The following ZDHHC14 variants were observed in gnomAD, a reference collection of about 807,000 sequenced individuals.
ZDHHC14 encodes the protein zDHHC palmitoyltransferase 14.
Under a neutral mutation model 47.7 loss-of-function variants are expected in ZDHHC14, and 16 were observed. That is an observed-to-expected ratio of 0.34 (90% CI 0.23 to 0.51). The LOEUF is 0.51. Ranked by LOEUF, ZDHHC14 falls within the 20% of genes least tolerant of loss-of-function variation. The pLI is 0.97. For synonymous variants in ZDHHC14, 293 were observed against 278.9 expected (o/e 1.05, Z -0.50); for missense variants, 515 against 662.5 (o/e 0.78, Z 2.44).
chr6:157,571,675 G>T (rs1352397899), intron 2 of ZDHHC14, among the ~76,000 whole-genome samples: 1 of 151,724 alleles, frequency 6.6e-6, no homozygotes, highest in South Asian at 2.1e-4. Context: ...CTTGTATGGT[G>T]TACAAACCTG....
chr6:157,644,016 C>T (rs928283310), intron 5 of ZDHHC14, among the ~76,000 whole-genome samples: 1 of 152,108 alleles, frequency 6.6e-6, no homozygotes, highest in Non-Finnish European at 1.5e-5. Flanking sequence ...GTTTCCGTTC[C>T]ATGTGTCCCC....
chr6:157,654,742 T>C (rs1388409349), intron 8 of ZDHHC14, among the ~76,000 whole-genome samples: 9 of 138,676 alleles, frequency 6.5e-5, no homozygotes, highest in South Asian at 2.1e-4. Flanking sequence ...TTCTCTCTCT[T>C]TTTTTTTTTT....
chr6:157,596,410 A>G (rs1446753765), intron 3 of ZDHHC14, among the ~76,000 whole-genome samples: 1 of 152,234 alleles, frequency 6.6e-6, no homozygotes, highest in Non-Finnish European at 1.5e-5. Flanking sequence ...TCCCAAGCAC[A>G]GTAAATAAAT....
chr6:157,448,475 TAAAATGTATTATCTTTTACTTCC>T (rs1376910433), intron 1 of ZDHHC14, among the ~76,000 whole-genome samples: 1 of 152,246 alleles, frequency 6.6e-6, no homozygotes. Flanking sequence ...TTTTTCAGTC[TAAAATGTATTATCTTTTACTTCC>T]ATATACTAAC....
chr6:157,505,867 G>A (rs1319260986), intron 1 of ZDHHC14, among the ~76,000 whole-genome samples: 1 of 152,232 alleles, frequency 6.6e-6, no homozygotes, highest in African/African-American at 2.4e-5. Context: ...ATTTGGAAGG[G>A]CAAGAAAATC....
chr6:157,624,073 G>A (rs546439291), intron 3 of ZDHHC14, among the ~76,000 whole-genome samples: 1 of 152,328 alleles, frequency 6.6e-6, no homozygotes, highest in African/African-American at 2.4e-5. Flanking sequence ...AAATATGGCT[G>A]TGTGGAGCTT....
intron 5 of ZDHHC14, among the ~76,000 whole-genome samples, chr6:157,635,307 A>T (rs929076804): frequency 6.6e-6 from 1 of 152,120 alleles, no homozygotes; most frequent in Non-Finnish European, 1.5e-5. Context: ...CCTGGTCTTT[A>T]TCAGAGCTCC....
intron 1 of ZDHHC14, among the ~76,000 whole-genome samples, chr6:157,496,227 G>A (rs1780060026): frequency 6.6e-6 from 1 of 152,122 alleles, no homozygotes; most frequent in South Asian, 2.1e-4. Context: ...TCTGAGATGG[G>A]AGGTCGAGTG....
intron 1 of ZDHHC14, among the ~76,000 whole-genome samples, chr6:157,402,668 C>A (rs935270964): frequency 2.6e-5 from 4 of 152,166 alleles, no homozygotes; most frequent in East Asian, 1.9e-4. Flanking sequence ...AAGTGATGGG[C>A]AGGCCACTAC....
chr6:157,420,895 G>T (rs1778086873), intron 1 of ZDHHC14, among the ~76,000 whole-genome samples: 1 of 152,160 alleles, frequency 6.6e-6, no homozygotes, highest in Non-Finnish European at 1.5e-5. Flanking sequence ...TGTGCGGTAG[G>T]CCTCAGGAGC....
intron 4 of ZDHHC14, chr6:157,631,004 A>T (rs1413126838): frequency 6.7e-6 from 1 of 148,206 alleles, no homozygotes; most frequent in Non-Finnish European, 1.5e-5. Context: ...ACACACCCAC[A>T]CTCTCACACC....
chr6:157,603,397 G>A (rs1784414570), intron 3 of ZDHHC14, among the ~76,000 whole-genome samples: 1 of 152,238 alleles, frequency 6.6e-6, no homozygotes, highest in African/African-American at 2.4e-5. Context: ...GGAGAAATGA[G>A]AGAAAAGGCT....
chr6:157,619,908 G>A (rs997093655), intron 3 of ZDHHC14, among the ~76,000 whole-genome samples: 2 of 152,182 alleles, frequency 1.3e-5, no homozygotes, highest in Admixed American at 6.5e-5. Context: ...TAGTCCCCAT[G>A]TGGAAGTGCT....
intron 2 of ZDHHC14, among the ~76,000 whole-genome samples, chr6:157,543,422 T>G (rs1218764234): frequency 2.6e-5 from 4 of 152,218 alleles, no homozygotes; most frequent in African/African-American, 4.8e-5. Context: ...ATAGCTTTGC[T>G]GTGGTGCTTT....
chr6:157,389,091 A>T (rs1332864012), intron 1 of ZDHHC14, among the ~76,000 whole-genome samples: 2 of 152,070 alleles, frequency 1.3e-5, no homozygotes, highest in African/African-American at 4.8e-5. Flanking sequence ...TATGGATTTA[A>T]CATAAGATAG....
chr6:157,645,719 C>G lies in ZDHHC14; in HGVS notation c.753-18C>G, dbSNP rs1455935406. The G allele has an allele frequency of 6.2e-7, 1 of 1,610,632 alleles. No homozygotes were observed. The highest frequency in any genetic ancestry group is 1.1e-5 in the South Asian group (1 of 90,654). On this transcript the variant is annotated intron_variant, in intron 5 of 8. Coordinates refer to ENST00000359775, the MANE Select transcript of ZDHHC14 (RefSeq NM_024630.3). ...TGCGCGGTCCCTCACTTCCGCTTGCCTCCTTGACTCGCATCACCGTCCTGG... is the reference window on the plus strand; with the variant it reads ...TGCGCGGTCCCTCACTTCCGCTTGCGTCCTTGACTCGCATCACCGTCCTGG...
At chr6:157,413,281 C>G (rs886521499) in intron 1 of ZDHHC14, among the ~76,000 whole-genome samples, 1 of 152,168 alleles carries the variant, frequency 6.6e-6, no homozygotes, top group African/African-American at 2.4e-5. Context: ...CCACAGCAGA[C>G]GACTGGGGAC....
chr6:157,507,567 C>G (rs538205756), intron 1 of ZDHHC14, among the ~76,000 whole-genome samples: 2 of 152,332 alleles, frequency 1.3e-5, no homozygotes, highest in African/African-American at 4.8e-5. Flanking sequence ...CAGACGTGAG[C>G]CACTGTGCCC....
At chr6:157,641,054 C>T (rs1033570599) in intron 5 of ZDHHC14, among the ~76,000 whole-genome samples, 2 of 152,160 alleles carry the variant, frequency 1.3e-5, no homozygotes, top group African/African-American at 4.8e-5. Context: ...AAAATATTTC[C>T]TGGAGATGTT....
Sources: gnomAD v4.1 joint callset for allele counts (sites outside exome capture counted in the v4.1 genomes callset) on GRCh38, gnomAD v4.1.1 for gene constraint, MANE v1.5 for transcripts, NCBI Gene and HGNC (gene_info 2026-07-23, HGNC 2026-07-21) for gene names.